Variants in NDUFS4 observed in about 807,000 individuals in gnomAD.
NDUFS4 encodes the protein NADH:ubiquinone oxidoreductase subunit S4, also known as NADH dehydrogenase [ubiquinone] iron-sulfur protein 4, mitochondrial.
Under a neutral mutation model 24.3 loss-of-function variants are expected in NDUFS4, and 28 were observed. That is an observed-to-expected ratio of 1.15 (90% CI 0.85 to 1.58). The LOEUF is 1.58. NDUFS4 is among the 40% of genes most tolerant of loss of function. NDUFS4 has a pLI of 0.00. For synonymous variants in NDUFS4, 93 were observed against 69.7 expected, an observed-to-expected ratio of 1.34 and a Z score of -1.67; for missense variants, 223 against 207.9, an observed-to-expected ratio of 1.07 and a Z score of -0.45.
chr5:53,579,386 C>G (rs745703189), intron 1 of NDUFS4, among the ~76,000 whole-genome samples: 4 of 152,172 alleles, frequency 2.6e-5, no homozygotes, highest in Non-Finnish European at 5.9e-5. Context: ...TAGACAATTA[C>G]CAGTACCTTT....
At chr5:53,658,402 C>A in intron 3 of NDUFS4, 149 bp from the exon 4 acceptor site, 1 of 596,878 alleles carries the variant, frequency 1.7e-6, no homozygotes, top group Non-Finnish European at 3.0e-6. Flanking sequence ...GGTATTCCAA[C>A]TAACAGTTTT....
chr5:53,563,530 T>A (rs886354464), intron 1 of NDUFS4, among the ~76,000 whole-genome samples: 6 of 151,784 alleles, frequency 4.0e-5, no homozygotes, highest in Non-Finnish European at 7.4e-5. Flanking sequence ...AGATGTAGTT[T>A]CGCTCTTGTC....
intron 1 of NDUFS4, among the ~76,000 whole-genome samples, chr5:53,576,838 A>G (rs576997472): frequency 6.6e-6 from 1 of 152,246 alleles, no homozygotes; most frequent in Non-Finnish European, 1.5e-5. Flanking sequence ...GAATTCTGAG[A>G]CTTTGCTAAT....
chr5:53,642,209 C>A (rs1751727230), intron 2 of NDUFS4, among the ~76,000 whole-genome samples: 1 of 152,082 alleles, frequency 6.6e-6, no homozygotes, highest in Non-Finnish European at 1.5e-5. Context: ...TTAATAAAGG[C>A]AGAAGCTAAT....
intron 4 of NDUFS4, among the ~76,000 whole-genome samples, chr5:53,675,094 T>G (rs974900553): frequency 2.0e-5 from 3 of 151,916 alleles, no homozygotes; most frequent in Admixed American, 2.0e-4. Flanking sequence ...CTCTGAAAAT[T>G]TTAAGATTAC....
At position 53,560,659 on chromosome 5, in the gene NDUFS4, C is replaced by G. The variant is rs771265080; in HGVS notation, c.-4C>G. The G allele has an allele frequency of 1.9e-6, 3 of 1,614,254 alleles. No homozygotes were observed. Among genetic ancestry groups the G allele is most frequent in the South Asian group, 1.1e-5 (1 of 91,092 alleles). The stretch of plus-strand genomic sequence containing the variant: ...CTTTCATCCTGGCGTTTGCCTGCAG[C>G]AAGATGGCGGCGGTGTCAATGTCAG... On this transcript the variant is annotated 5_prime_UTR_variant, in exon 1 of 5. Coordinates refer to ENST00000296684, the MANE Select transcript of NDUFS4 (RefSeq NM_002495.4).
chr5:53,675,904 G>T (rs932337726), intron 4 of NDUFS4, among the ~76,000 whole-genome samples: 15 of 152,136 alleles, frequency 9.9e-5, no homozygotes, highest in African/African-American at 3.6e-4. Context: ...AGGTATGCAG[G>T]CTTAAGCATA....
chr5:53,613,771 G>A (rs964320562), intron 2 of NDUFS4, among the ~76,000 whole-genome samples: 4 of 151,066 alleles, frequency 2.6e-5, no homozygotes, highest in African/African-American at 7.3e-5. Context: ...ATTTCATAGT[G>A]AAATGGTCAT....
At chr5:53,591,309 G>C (rs1210913662) in intron 1 of NDUFS4, among the ~76,000 whole-genome samples, 4 of 152,190 alleles carry the variant, frequency 2.6e-5, no homozygotes, top group Middle Eastern at 3.4e-3. Context: ...GAAGCTGCTG[G>C]ATTATATGGT....
chr5:53,602,896 G>A (rs1424366743), intron 1 of NDUFS4, among the ~76,000 whole-genome samples: 3 of 152,130 alleles, frequency 2.0e-5, no homozygotes, highest in South Asian at 2.1e-4. Flanking sequence ...CCCATTTTAC[G>A]TCTAACTTAA....
intron 1 of NDUFS4, among the ~76,000 whole-genome samples, chr5:53,600,461 A>G (rs1179311140): frequency 6.6e-6 from 1 of 151,968 alleles, no homozygotes; most frequent in African/African-American, 2.4e-5. Flanking sequence ...GGCATGCCCC[A>G]CCAAGCCCAG....
intron 3 of NDUFS4, 127 bp downstream of exon 3, chr5:53,646,532 G>A (rs1177588388): frequency 4.3e-6 from 4 of 928,182 alleles, no homozygotes; most frequent in Non-Finnish European, 6.8e-6. Context: ...ACGCTGTTAA[G>A]TACCACTGTG....
intron 1 of NDUFS4, among the ~76,000 whole-genome samples, chr5:53,596,872 C>G (rs1031824412): frequency 3.9e-5 from 6 of 151,974 alleles, no homozygotes; most frequent in Non-Finnish European, 7.4e-5. Context: ...TCTAAAAGTC[C>G]AACACATTAT....
chr5:53,569,813 G>T (rs1256783640), intron 1 of NDUFS4, among the ~76,000 whole-genome samples: 1 of 152,038 alleles, frequency 6.6e-6, no homozygotes, highest in Non-Finnish European at 1.5e-5. Context: ...CAAATTTCCT[G>T]ACGCTTTACT....
At chr5:53,569,738 C>T (rs1402240404) in intron 1 of NDUFS4, among the ~76,000 whole-genome samples, 4 of 152,170 alleles carry the variant, frequency 2.6e-5, no homozygotes. Flanking sequence ...TGTCATCACT[C>T]ATTCTTCCTT....
intron 2 of NDUFS4, among the ~76,000 whole-genome samples, chr5:53,625,796 C>T (rs1227126672): frequency 1.3e-5 from 2 of 151,988 alleles, no homozygotes; most frequent in African/African-American, 4.8e-5. Context: ...TATTTATAGT[C>T]ATTATTTATA....
chr5:53,584,338 G>T (rs771877772), intron 1 of NDUFS4, among the ~76,000 whole-genome samples: 1 of 152,082 alleles, frequency 6.6e-6, no homozygotes, highest in Non-Finnish European at 1.5e-5. Flanking sequence ...AAATATATAT[G>T]GTTGACGGAG....
chr5:53,604,965 T>C (rs1266651443), intron 2 of NDUFS4: 3 of 436,556 alleles, frequency 6.9e-6, no homozygotes, highest in Non-Finnish European at 1.4e-5. Flanking sequence ...CTCATGCCTG[T>C]AATCCCAGCA....
chr5:53,573,889 G>A (rs538354698), intron 1 of NDUFS4, among the ~76,000 whole-genome samples: 1 of 152,272 alleles, frequency 6.6e-6, no homozygotes, highest in South Asian at 2.1e-4. Context: ...ATTGCATCCA[G>A]CCTAAATTTT....
Sources: gnomAD v4.1 joint callset for allele counts (sites outside exome capture counted in the v4.1 genomes callset) on GRCh38, gnomAD v4.1.1 for gene constraint, MANE v1.5 for transcripts, NCBI Gene and HGNC (gene_info 2026-07-23, HGNC 2026-07-21) for gene names.